The following ELAVL2 variants were observed in gnomAD, a reference collection of about 807,000 sequenced individuals.
ELAVL2 encodes the protein ELAV like RNA binding protein 2.
Under a neutral mutation model 34.6 loss-of-function variants are expected in ELAVL2, and 4 were observed. That is an observed-to-expected ratio of 0.12 (90% confidence interval 0.06 to 0.26). ELAVL2 has a LOEUF of 0.26. Ranked by LOEUF, ELAVL2 falls within the 10% of genes least tolerant of loss-of-function variation. The pLI, the probability that ELAVL2 is intolerant of heterozygous loss-of-function variation, is 1.00. For missense variants in ELAVL2, 432 were observed against 442.8 expected (o/e 0.98, Z 0.22); for synonymous variants, 193 against 154.8 (o/e 1.25, Z -1.83).
intron 2 of ELAVL2, among the ~76,000 whole-genome samples, chr9:23,737,848 C>T (rs1283768852): frequency 6.6e-6 from 1 of 152,190 alleles, no homozygotes; most frequent in African/African-American, 2.4e-5. Flanking sequence ...TAATGCAATA[C>T]TTTTAAAAAG....
At chr9:23,699,097 A>C (rs572645230) in intron 5 of ELAVL2, among the ~76,000 whole-genome samples, 1 of 152,226 alleles carries the variant, frequency 6.6e-6, no homozygotes, top group African/African-American at 2.4e-5. Flanking sequence ...TTTTCAAGTT[A>C]ATGATAACAT....
intron 1 of ELAVL2, among the ~76,000 whole-genome samples, chr9:23,803,981 A>C (rs1054785056): frequency 1.3e-5 from 2 of 152,184 alleles, no homozygotes; most frequent in Non-Finnish European, 2.9e-5. Flanking sequence ...CAAGGCAGGC[A>C]CTGAATGCTA....
chr9:23,697,110 T>A (rs1053248293), intron 5 of ELAVL2, among the ~76,000 whole-genome samples: 1 of 152,052 alleles, frequency 6.6e-6, no homozygotes, highest in Non-Finnish European at 1.5e-5. Flanking sequence ...AAATCCATTT[T>A]ACAAATAACA....
intron 6 of ELAVL2, 98 bp from the exon 7 acceptor site, chr9:23,692,982 T>G (rs1272098456): frequency 6.4e-6 from 7 of 1,093,202 alleles, no homozygotes; most frequent in Admixed American, 2.8e-5. Context: ...CCCAAGAATT[T>G]TAGTAACTCT....
intron 3 of ELAVL2, among the ~76,000 whole-genome samples, chr9:23,720,657 C>A (rs979871199): frequency 2.0e-5 from 3 of 152,214 alleles, no homozygotes; most frequent in East Asian, 3.8e-4. Flanking sequence ...GCACTATATT[C>A]ATTAAAAACA....
chr9:23,755,658 T>C (rs905236395), intron 2 of ELAVL2, among the ~76,000 whole-genome samples: 1 of 152,200 alleles, frequency 6.6e-6, no homozygotes, highest in African/African-American at 2.4e-5. Flanking sequence ...TAGATTCAAA[T>C]GTACTGTATT....
At chr9:23,802,055 T>C (rs1175311539) in intron 1 of ELAVL2, among the ~76,000 whole-genome samples, 1 of 152,182 alleles carries the variant, frequency 6.6e-6, no homozygotes, top group African/African-American at 2.4e-5. Context: ...TGTTCCACAA[T>C]TGAAGAAAGA....
intron 2 of ELAVL2, among the ~76,000 whole-genome samples, chr9:23,748,552 G>C (rs1301056653): frequency 6.6e-6 from 1 of 152,164 alleles, no homozygotes; most frequent in Non-Finnish European, 1.5e-5. Context: ...GGAGTGATAA[G>C]AGATTGAAGG....
intron 1 of ELAVL2, among the ~76,000 whole-genome samples, chr9:23,792,918 G>C (rs2060493001): frequency 1.3e-5 from 2 of 152,002 alleles, no homozygotes; most frequent in African/African-American, 4.8e-5. Flanking sequence ...CTACAGGCAT[G>C]CATCACCACA....
intron 1 of ELAVL2, chr9:23,779,466 G>A (rs1403462118): frequency 3.1e-6 from 3 of 955,998 alleles, no homozygotes; most frequent in Non-Finnish European, 3.7e-6. Flanking sequence ...GAGTGGGTGG[G>A]CGGGCTTCCT....
At chr9:23,696,972 T>C (rs1362748614) in intron 5 of ELAVL2, among the ~76,000 whole-genome samples, 5 of 152,008 alleles carry the variant, frequency 3.3e-5, no homozygotes, top group Admixed American at 6.5e-5. Context: ...TTACTTATAT[T>C]TAATAGATGC....
At chr9:23,701,646 AAGG>A in intron 4 of ELAVL2, 42 bp from the exon 5 acceptor site, 13 of 1,593,348 alleles carry the variant, frequency 8.2e-6, no homozygotes, top group Non-Finnish European at 1.1e-5. Flanking sequence ...GAGGGAACAG[AAGG>A]AGAAGGGAAG....
chr9:23,803,107 G>C (rs976410441), intron 1 of ELAVL2, among the ~76,000 whole-genome samples: 1 of 152,074 alleles, frequency 6.6e-6, no homozygotes, highest in African/African-American at 2.4e-5. Context: ...ATAAACCTTA[G>C]AACAGCTTCC....
At chr9:23,811,374 A>C (rs1394164810) in intron 1 of ELAVL2, among the ~76,000 whole-genome samples, 1 of 152,080 alleles carries the variant, frequency 6.6e-6, no homozygotes, top group African/African-American at 2.4e-5. Flanking sequence ...AATGCCATTA[A>C]GGGAGAAAAG....
intron 1 of ELAVL2, among the ~76,000 whole-genome samples, chr9:23,785,208 A>G (rs1384250398): frequency 1.3e-5 from 2 of 152,214 alleles, no homozygotes; most frequent in Non-Finnish European, 2.9e-5. Flanking sequence ...TTGAGGCAGT[A>G]GAGGGAGCCA....
At chr9:23,709,451 A>ATT (rs11290732) in intron 3 of ELAVL2, among the ~76,000 whole-genome samples, 4 of 146,818 alleles carry the variant, frequency 2.7e-5, no homozygotes, top group Admixed American at 2.7e-4. Flanking sequence ...CTCCATTCCG[A>ATT]TTTTTTTTTT....
chr9:23,720,950 C>T (rs879891038), intron 3 of ELAVL2, among the ~76,000 whole-genome samples: 13 of 152,110 alleles, frequency 8.5e-5, no homozygotes, highest in Non-Finnish European at 1.5e-4. Flanking sequence ...ACCACCCCAC[C>T]CCACTGATCC....
chr9:23,730,376 G>C (rs1449113488), intron 3 of ELAVL2, among the ~76,000 whole-genome samples: 2 of 152,070 alleles, frequency 1.3e-5, no homozygotes, highest in Non-Finnish European at 2.9e-5. Flanking sequence ...CCTCCAGTCA[G>C]TCTCCTCAAA....
chr9:23,822,901 C>T (rs1253146781), intron 1 of ELAVL2, among the ~76,000 whole-genome samples: 3 of 152,192 alleles, frequency 2.0e-5, no homozygotes, highest in Non-Finnish European at 4.4e-5. Flanking sequence ...GTCCAGCGCT[C>T]CCCGCCCCCA....
Sources: gnomAD v4.1 joint callset for allele counts (sites outside exome capture counted in the v4.1 genomes callset) on GRCh38, gnomAD v4.1.1 for gene constraint, MANE v1.5 for transcripts, NCBI Gene and HGNC (gene_info 2026-07-23, HGNC 2026-07-21) for gene names.